The following KCNQ1 variants were observed in gnomAD, a reference collection of about 807,000 sequenced individuals.
KCNQ1 encodes the protein potassium voltage-gated channel subfamily Q member 1.
A neutral mutation model predicts 72.4 loss-of-function variants in KCNQ1; 49 were observed. The ratio of observed to expected loss-of-function variants is 0.68; its 90% CI spans 0.54 to 0.86. The LOEUF is 0.86. Among genes scored for constraint, KCNQ1 ranks in the 40% least tolerant of loss-of-function variants. The pLI, the probability that KCNQ1 is intolerant of heterozygous loss-of-function variation, is 0.00. For missense variants in KCNQ1, 790 were observed against 945.1 expected, an observed-to-expected ratio of 0.84 and a Z score of 2.15; for synonymous variants, 450 against 412.6, an observed-to-expected ratio of 1.09 and a Z score of -1.10.
At position 2,809,793 on chromosome 11, in the gene KCNQ1, C is replaced by T. The variant is rs540589439; in HGVS notation, c.1794+31756C>T. ...GCCATGTTTCCCTGAGCTCTTCCCTCTCTGTCTCTAATTGATGTGTTTTCC... is the reference window on the plus strand; with the variant it reads ...GCCATGTTTCCCTGAGCTCTTCCCTTTCTGTCTCTAATTGATGTGTTTTCC... On this transcript the variant is annotated intron_variant, in intron 15 of 15. Coordinates refer to ENST00000155840, the MANE Select transcript of KCNQ1 (RefSeq NM_000218.3). The surrounding 1 kb of genome is among the most constrained non-coding windows in gnomAD (Gnocchi z 7.1). 8.5e-5 allele frequency among the ~76,000 whole-genome samples: 13 copies of T among 152,154 alleles called. No homozygotes were observed. The highest frequency in any genetic ancestry group is 1.3e-4 in the Non-Finnish European group (9 of 68,044).
At chr11:2,675,257 GA>G (rs1489540878) in intron 11 of KCNQ1, 4 of 398,454 alleles carry the variant, frequency 1.0e-5, no homozygotes, top group African/African-American at 8.2e-5. Flanking sequence ...TACTGTTTCA[GA>G]AGTGAAGATA....
rs1848215458 is a variant in KCNQ1, at chr11:2,564,259, T to G, written c.478-6369T>G. On this transcript the variant is annotated intron_variant, in intron 2 of 15. Coordinates refer to ENST00000155840, the MANE Select transcript of KCNQ1 (RefSeq NM_000218.3). The surrounding 1 kb of genome is among the most constrained non-coding windows in gnomAD (Gnocchi z 4.5). ...AAAAGGAAAACCATCCCCATTGCCCTTCTCCTAGTTCCTGACAAACATGTT... is the reference window on the plus strand; with the variant it reads ...AAAAGGAAAACCATCCCCATTGCCCGTCTCCTAGTTCCTGACAAACATGTT... Among the ~76,000 whole-genome samples, 1 of 152,202 alleles carries G rather than the reference T, an allele frequency of 6.6e-6. No individual in the cohort carries two copies. Among genetic ancestry groups the G allele is most frequent in the Non-Finnish European group, 1.5e-5 (1 of 68,032 alleles).
In KCNQ1 at chr11:2,670,259, G is replaced by A; in HGVS notation, c.1514+8178G>A. The A allele has an allele frequency of 2.5e-6, 1 of 398,576 alleles. No individual in the cohort carries two copies. The highest frequency in any genetic ancestry group is 4.4e-6 in the Non-Finnish European group (1 of 226,074). 24.7% of individuals were successfully genotyped at this position (398,576 alleles called of 1,614,324 possible). A position where few individuals can be genotyped will look rare whatever the true frequency, so the allele number is the denominator to read the frequency against. ...CCTGCACATGACGGGCGAGGGAAGAGGACCATGGTAGCTTGTCTCTAGGCA... is the reference window on the plus strand; with the variant it reads ...CCTGCACATGACGGGCGAGGGAAGAAGACCATGGTAGCTTGTCTCTAGGCA... On this transcript the variant is annotated intron_variant, in intron 11 of 15. Coordinates refer to ENST00000155840, the MANE Select transcript of KCNQ1 (RefSeq NM_000218.3). The surrounding 1 kb of genome is among the most constrained non-coding windows in gnomAD (Gnocchi z 4.9).
At position 2,571,361 on chromosome 11, in the gene KCNQ1, G is replaced by C; in HGVS notation, c.641G>C (p.Cys214Ser). ...IVVVASMVVL[C>S]VGSKGQVFAT... The stretch of plus-strand genomic sequence containing the variant: ...GTCGTGGCCTCCATGGTGGTCCTCT[G>C]CGTGGGCTCCAAGGGGCAGGTGTTT... Residue 214 changes from cysteine to serine, a missense_variant, in exon 4 of 16, where the codon TGC (cysteine) becomes TCC (serine). Physicochemically the swap from Cys to Ser is moderately radical, Grantham distance 112 (BLOSUM62 -1). This residue lies in a region of KCNQ1 where 294 missense variants were observed against 323.3 expected (regional missense o/e 0.91). Transcript: ENST00000155840. 1 of 1,613,150 alleles carries C rather than the reference G, an allele frequency of 6.2e-7. No homozygotes were observed. The highest frequency in any genetic ancestry group is 1.3e-5 in the African/African-American group (1 of 75,032).
rs1013876502 is a variant in KCNQ1 at position 2,446,492 on chromosome 11, A to G, written c.386+1008A>G. On this transcript the variant is annotated intron_variant, in intron 1 of 15. Transcript: ENST00000155840. The surrounding 1 kb of genome is among the most constrained non-coding windows in gnomAD (Gnocchi z 8.8). ...CTCCTCTGCCTCGGGCAGGCTCAGT[A>G]GAGAACTGGCTGGAGGGCATCCAGA... Among the ~76,000 whole-genome samples, 5 of 152,312 alleles carry G rather than the reference A, an allele frequency of 3.3e-5. No homozygotes were observed. Among genetic ancestry groups the G allele is most frequent in the African/African-American group, 1.2e-4 (5 of 41,580 alleles).
chr11:2,820,058 T>C (rs57845237), intron 15 of KCNQ1, among the ~76,000 whole-genome samples: 7,535 of 152,324 alleles, frequency 0.049, 618 homozygotes, highest in African/African-American at 0.17. Flanking sequence ...CAATTCTTTT[T>C]CATAAAATAT....
Position 2,446,674 on chromosome 11 carries a change from C to T in KCNQ1, c.386+1190C>T, listed in dbSNP as rs1460692051. 6.6e-6 allele frequency among the ~76,000 whole-genome samples: 1 copy of T among 152,194 alleles called. No individual in the cohort carries two copies. The highest frequency in any genetic ancestry group is 1.5e-5 in the Non-Finnish European group (1 of 68,038). The stretch of plus-strand genomic sequence containing the variant: ...CTTGCTAAGAGGTGGCCTTCCACAT[C>T]AGGAAGGGGAAGTCTTACCCACCTC... On this transcript the variant is annotated intron_variant, in intron 1 of 15. Coordinates refer to ENST00000155840, the MANE Select transcript of KCNQ1 (RefSeq NM_000218.3). This position sits in a 1 kb window ranked among gnomAD's most constrained non-coding sequence, Gnocchi z 8.8.
chr11:2,543,101 T>C lies in KCNQ1; in HGVS notation c.477+15083T>C, dbSNP rs1416416870. Among the ~76,000 whole-genome samples, 1 of 152,180 alleles carries C rather than the reference T, an allele frequency of 6.6e-6. No individual in the cohort carries two copies. The highest frequency in any genetic ancestry group is 1.5e-5 in the Non-Finnish European group (1 of 68,044). On this transcript the variant is annotated intron_variant, in intron 2 of 15. Transcript: ENST00000155840. The surrounding 1 kb of genome is among the most constrained non-coding windows in gnomAD (Gnocchi z 5.6). ...GTTGAATATCTTTTCACGTGTTTCA[T>C]TGGCATCCAGGAAACATCTTTGGTG...
intron 7 of KCNQ1, among the ~76,000 whole-genome samples, chr11:2,584,451 TTG>T (rs931052835): frequency 9.3e-5 from 14 of 150,844 alleles, no homozygotes; most frequent in African/African-American, 1.5e-4. Flanking sequence ...TAGTTTGTGT[TTG>T]TGTGTGTATG....
chr11:2,835,604 C>A (rs1414358170), intron 15 of KCNQ1, among the ~76,000 whole-genome samples: 1 of 152,208 alleles, frequency 6.6e-6, no homozygotes, highest in Non-Finnish European at 1.5e-5. Context: ...GGAGCTGACC[C>A]CCTGCCGTGG....
chr11:2,675,894 C>T (rs1438145541), intron 11 of KCNQ1: 5 of 398,548 alleles, frequency 1.3e-5, no homozygotes, highest in Non-Finnish European at 2.2e-5. Flanking sequence ...TTTATGTATT[C>T]AAGGGTTGTG....
rs538900375 is a variant in KCNQ1 at position 2,547,891 on chromosome 11, G to T, written c.477+19873G>T. ...GCATTCCTGGCAGAGAGCATGGCAC[G>T]TGCCAAGACCCGGATGGGGCGTGTG... On this transcript the variant is annotated intron_variant, in intron 2 of 15. Coordinates refer to ENST00000155840, the MANE Select transcript of KCNQ1 (RefSeq NM_000218.3). This position sits in a 1 kb window ranked among gnomAD's most constrained non-coding sequence, Gnocchi z 4.2. Among the ~76,000 whole-genome samples, 1 of 152,230 alleles carries T rather than the reference G, an allele frequency of 6.6e-6. No individual in the cohort carries two copies. The highest frequency in any genetic ancestry group is 2.4e-5 in the African/African-American group (1 of 41,456).
rs903917789 is a variant in KCNQ1 at position 2,612,135 on chromosome 11, C to T, written c.1393+23281C>T. 2.5e-6 allele frequency: 1 copy of T among 398,500 alleles called. No individual in the cohort carries two copies. Among genetic ancestry groups the T allele is most frequent in the African/African-American group, 2.1e-5 (1 of 48,644 alleles). 24.7% of individuals were successfully genotyped at this position (398,500 alleles called of 1,614,324 possible). On this transcript the variant is annotated intron_variant, in intron 10 of 15. Transcript: ENST00000155840. The surrounding 1 kb of genome is among the most constrained non-coding windows in gnomAD (Gnocchi z 5.5). ...CCCAGGGCCATGGACTGGTACCAGT[C>T]TGTGGCCTATTAGAAACTGGGCTAC...
intron 12 of KCNQ1, among the ~76,000 whole-genome samples, chr11:2,774,915 T>C (rs1846663111): frequency 6.6e-6 from 1 of 152,176 alleles, no homozygotes; most frequent in Non-Finnish European, 1.5e-5. Context: ...TCCCTCTGAC[T>C]TGGGCTGGCC....
chr11:2,777,896 C>A, intron 14 of KCNQ1, 80 bp from the exon 15 acceptor site: 1 of 1,251,096 alleles, frequency 8.0e-7, no homozygotes, highest in Non-Finnish European at 1.2e-6. Flanking sequence ...CCAGCCCTAC[C>A]ACCCCACTTC....
At position 2,658,428 on chromosome 11, in the gene KCNQ1, G is replaced by T; in HGVS notation, c.1394-3533G>T. 3 of 398,482 alleles carry T rather than the reference G, an allele frequency of 7.5e-6. No individual in the cohort carries two copies. Among genetic ancestry groups the T allele is most frequent in the Admixed American group, 8.8e-5 (2 of 22,734 alleles). The allele number at this position is 398,482 out of a possible 1,614,324, so 24.7% of individuals were successfully genotyped here. A position where few individuals can be genotyped will look rare whatever the true frequency, so the allele number is the denominator to read the frequency against. On this transcript the variant is annotated intron_variant, in intron 10 of 15. Transcript: ENST00000155840. This position sits in a 1 kb window ranked among gnomAD's most constrained non-coding sequence, Gnocchi z 4.9. ...TGTTGCTCAAATTGTTCAAGCTGTGGCCACTGGTGGGTTCATGTGTCCTTT... is the reference window on the plus strand; with the variant it reads ...TGTTGCTCAAATTGTTCAAGCTGTGTCCACTGGTGGGTTCATGTGTCCTTT...
intron 15 of KCNQ1, among the ~76,000 whole-genome samples, chr11:2,825,936 T>G (rs1363904912): frequency 6.6e-6 from 1 of 152,128 alleles, no homozygotes; most frequent in Non-Finnish European, 1.5e-5. Flanking sequence ...CCGGAGCCCC[T>G]TCCTCAGATC....
chr11:2,611,997 CATAT>C lies in KCNQ1; in HGVS notation c.1393+23144_1393+23147del. On this transcript the variant is annotated intron_variant, in intron 10 of 15. Transcript: ENST00000155840. This position sits in a 1 kb window ranked among gnomAD's most constrained non-coding sequence, Gnocchi z 5.3. ...CTCCTTCTCAGTACTCTTATTAACA[CATAT>C]GTTGTTACTCCTTAATTCCACATAT... 1 of 398,660 alleles carries C rather than the reference CATAT, an allele frequency of 2.5e-6. No homozygotes were observed. The highest frequency in any genetic ancestry group is 4.4e-6 in the Non-Finnish European group (1 of 226,062). The allele number at this position is 398,660 out of a possible 1,614,324, so 24.7% of individuals were successfully genotyped here. A position where few individuals can be genotyped will look rare whatever the true frequency, so the allele number is the denominator to read the frequency against.
rs1426467273 is a variant in KCNQ1, at chr11:2,486,970, T to G, written c.387-40958T>G. On this transcript the variant is annotated intron_variant, in intron 1 of 15. Transcript: ENST00000155840. This position sits in a 1 kb window ranked among gnomAD's most constrained non-coding sequence, Gnocchi z 5.0. ...TAGCCAAATCCAATGTCATGAAGCT[T>G]TTGCCCTATGTTTTCTTCTAAGATT... is the stretch of plus-strand genomic sequence containing the variant. Among the ~76,000 whole-genome samples, 1 of 152,158 alleles carries G rather than the reference T, an allele frequency of 6.6e-6. No homozygotes were observed. The highest frequency in any genetic ancestry group is 1.5e-5 in the Non-Finnish European group (1 of 68,020).
Sources: gnomAD v4.1 joint callset for allele counts (sites outside exome capture counted in the v4.1 genomes callset) on GRCh38, gnomAD v4.1.1 for gene constraint, gnomAD v4.1.1 regional missense constraint, Gnocchi (gnomAD v3.1) non-coding constraint, MANE v1.5 for transcripts, NCBI Gene and HGNC (gene_info 2026-07-23, HGNC 2026-07-21) for gene names.